ROBO1: variants seen among roughly 807,000 people sequenced by gnomAD.
The protein encoded by ROBO1 is roundabout guidance receptor 1, also known as roundabout homolog 1.
ROBO1 carries 149 observed loss-of-function variants against 195.9 expected under a neutral mutation model. The ratio of observed to expected loss-of-function variants is 0.76; its 90% CI spans 0.67 to 0.87. The LOEUF (loss-of-function observed/expected upper bound fraction) is 0.87, where lower values mean the gene tolerates loss of function less well. Among genes scored for constraint, ROBO1 ranks in the 40% least tolerant of loss-of-function variants. The pLI is 0.00. For missense variants in ROBO1, 1,933 were observed against 2,068.3 expected (o/e 0.93, Z 1.27); for synonymous variants, 816 against 733.2 (o/e 1.11, Z -1.82).
In ROBO1 at chr3:78,618,038, C is replaced by A. The variant is rs1327713147; in HGVS notation, c.3879G>T (p.Arg1293=). 6.2e-7 allele frequency: 1 copy of A among 1,609,806 alleles called. No homozygotes were observed. Among genetic ancestry groups the A allele is most frequent in the East Asian group, 2.2e-5 (1 of 44,804 alleles). ...GHMQHQPDRR[R]QPVSPPPPPR... ...GTGGTGGAGGAGGACTCACAGGCTG[C>A]CGTCTGTATGAAGATGAATAAATAG... Residue 1293 remains arginine (R), a synonymous_variant, in exon 27 of 31, where the codon CGG becomes CGT. Transcript: ENST00000464233.
intron 3 of ROBO1, among the ~76,000 whole-genome samples, chr3:78,978,821 G>A (rs72910234): frequency 0.012 from 1,778 of 152,250 alleles, 42 homozygotes; most frequent in African/African-American, 0.038. Context: ...TTAAAGTTCT[G>A]TAGACTGTAT....
chr3:79,167,201 C>A (rs544068673), intron 2 of ROBO1, among the ~76,000 whole-genome samples: 2 of 138,588 alleles, frequency 1.4e-5, no homozygotes, highest in African/African-American at 6.1e-5. Context: ...AAAAGCATTT[C>A]CTAATTCATC....
intron 2 of ROBO1, among the ~76,000 whole-genome samples, chr3:79,165,073 C>T (rs768510828): frequency 2.1e-4 from 32 of 152,124 alleles, no homozygotes; most frequent in South Asian, 6.2e-4. Context: ...TGCCAGCCTA[C>T]ATTACTGGAA....
chr3:79,179,464 A>G (rs2081306301), intron 2 of ROBO1, among the ~76,000 whole-genome samples: 1 of 152,204 alleles, frequency 6.6e-6, no homozygotes, highest in South Asian at 2.1e-4. Flanking sequence ...AACTTGCTAA[A>G]TATCTTAACT....
chr3:79,541,805 A>G (rs1046512762), intron 2 of ROBO1, among the ~76,000 whole-genome samples: 19 of 103,604 alleles, frequency 1.8e-4, no homozygotes, highest in African/African-American at 6.6e-4. Flanking sequence ...ATATATGTGT[A>G]TATATATGTG....
In ROBO1 at chr3:79,767,765, T is replaced by A; in HGVS notation, c.-64A>T. ...TCCGAGACTTACCCTTCCATAAGAC[T>A]GTTTTCAGCAATCTAGAGGCTCCGT... On this transcript the variant is annotated 5_prime_UTR_variant, in exon 1 of 31. Coordinates refer to ENST00000464233, the MANE Select transcript of ROBO1 (RefSeq NM_002941.4). The A allele has an allele frequency of 6.6e-6, 1 of 152,328 alleles. No individual in the cohort carries two copies. The highest frequency in any genetic ancestry group is 2.4e-5 in the African/African-American group (1 of 41,558). The allele number at this position is 152,328 out of a possible 1,614,324, so 9.4% of individuals were successfully genotyped here. A position where few individuals can be genotyped will look rare whatever the true frequency, so the allele number is the denominator to read the frequency against.
chr3:78,768,631 C>A (rs1404874745), intron 4 of ROBO1, among the ~76,000 whole-genome samples: 1 of 149,668 alleles, frequency 6.7e-6, no homozygotes, highest in Admixed American at 6.7e-5. Context: ...TTGTTGAAGG[C>A]AATGTGGCAG....
At chr3:79,568,254 T>C (rs1313754821) in intron 2 of ROBO1, among the ~76,000 whole-genome samples, 1 of 152,092 alleles carries the variant, frequency 6.6e-6, no homozygotes, top group Non-Finnish European at 1.5e-5. Flanking sequence ...GTAGGGAAAA[T>C]TGCTTGTCAA....
chr3:78,990,508 T>C (rs2077211848), intron 3 of ROBO1, among the ~76,000 whole-genome samples: 1 of 152,052 alleles, frequency 6.6e-6, no homozygotes, highest in African/African-American at 2.4e-5. Context: ...AGCAATGAGA[T>C]TGGATTCATA....
chr3:78,754,348 A>C (rs1282170568), intron 4 of ROBO1, among the ~76,000 whole-genome samples: 4 of 152,216 alleles, frequency 2.6e-5, no homozygotes, highest in Admixed American at 2.0e-4. Context: ...CAGGGTTAAA[A>C]AAACACAGAC....
intron 2 of ROBO1, among the ~76,000 whole-genome samples, chr3:79,513,862 A>T (rs1485846805): frequency 6.6e-6 from 1 of 152,238 alleles, no homozygotes; most frequent in African/African-American, 2.4e-5. Context: ...GCAAAATTAT[A>T]TTGCTAAAAT....
chr3:78,763,919 G>C (rs1035668565), intron 4 of ROBO1, among the ~76,000 whole-genome samples: 1 of 152,172 alleles, frequency 6.6e-6, no homozygotes, highest in Admixed American at 6.6e-5. Context: ...CTTAAGGTTA[G>C]TGTATGAAGT....
At chr3:79,754,001 T>G (rs183265807) in intron 1 of ROBO1, among the ~76,000 whole-genome samples, 1 of 152,270 alleles carries the variant, frequency 6.6e-6, no homozygotes, top group Non-Finnish European at 1.5e-5. Context: ...GGACACTATT[T>G]CATAAAGTTT....
chr3:79,563,786 CTATT>C (rs1211438061), intron 2 of ROBO1, among the ~76,000 whole-genome samples: 4 of 151,998 alleles, frequency 2.6e-5, no homozygotes, highest in Admixed American at 6.6e-5. Flanking sequence ...TGAGGTAAAT[CTATT>C]TAATGCAGAA....
At chr3:79,745,341 T>A (rs1703828814) in intron 1 of ROBO1, among the ~76,000 whole-genome samples, 1 of 152,220 alleles carries the variant, frequency 6.6e-6, no homozygotes, top group Non-Finnish European at 1.5e-5. Context: ...TGATCTCCAA[T>A]TACCAAAAAC....
intron 2 of ROBO1, among the ~76,000 whole-genome samples, chr3:79,499,472 T>C (rs1413438829): frequency 6.6e-6 from 1 of 152,210 alleles, no homozygotes; most frequent in Non-Finnish European, 1.5e-5. Flanking sequence ...ATTTTTGTTA[T>C]TTCTTATAAA....
chr3:79,536,167 T>G (rs1941853225), intron 2 of ROBO1, among the ~76,000 whole-genome samples: 1 of 152,140 alleles, frequency 6.6e-6, no homozygotes, highest in Admixed American at 6.6e-5. Flanking sequence ...TCTTCACATT[T>G]CAGACTATAT....
chr3:79,660,279 C>A (rs981327121), intron 1 of ROBO1, among the ~76,000 whole-genome samples: 7 of 151,306 alleles, frequency 4.6e-5, no homozygotes, highest in African/African-American at 1.7e-4. Context: ...GAAGTCACGA[C>A]TAAAATGCCA....
chr3:78,705,297 T>C (rs2081523044), intron 8 of ROBO1, among the ~76,000 whole-genome samples: 1 of 152,168 alleles, frequency 6.6e-6, no homozygotes, highest in Non-Finnish European at 1.5e-5. Flanking sequence ...AGAAAAACAA[T>C]CATAGAAACA....
Sources: gnomAD v4.1 joint callset for allele counts (sites outside exome capture counted in the v4.1 genomes callset) on GRCh38, gnomAD v4.1.1 for gene constraint, MANE v1.5 for transcripts, NCBI Gene and HGNC (gene_info 2026-07-23, HGNC 2026-07-21) for gene names.